The following STAT4 variants were observed in gnomAD, a reference collection of about 807,000 sequenced individuals.
STAT4 encodes signal transducer and activator of transcription 4.
In STAT4, 42 loss-of-function variants were observed where a neutral mutation model predicts 110.5. The ratio of observed to expected loss-of-function variants is 0.38; its 90% CI spans 0.30 to 0.49. The LOEUF is 0.49. Ranked by LOEUF, STAT4 falls within the 20% of genes least tolerant of loss-of-function variation. STAT4 has a pLI of 0.95. For missense variants in STAT4, 632 were observed against 887.9 expected (o/e 0.71, Z 3.66); for synonymous variants, 284 against 302.2 (o/e 0.94, Z 0.63).
In STAT4 at chr2:191,035,421, CAT is replaced by C. The variant is rs963257017; in HGVS notation, c.1570+741_1570+742del. Among the ~76,000 whole-genome samples the C allele has an allele frequency of 6.6e-6, 1 of 152,218 alleles. No individual in the cohort carries two copies. Among genetic ancestry groups the C allele is most frequent in the African/African-American group, 2.4e-5 (1 of 41,456 alleles). On this transcript the variant is annotated intron_variant, in intron 17 of 23. Transcript: ENST00000392320. This position sits in a 1 kb window ranked among gnomAD's most constrained non-coding sequence, Gnocchi z 4.7. ...CCATGTGAGTCAAGCTTAAATCACA[CAT>C]GATTCTACTTCTGCACAAATGGATC...
Position 191,144,101 on chromosome 2 carries a change from A to T in STAT4, c.273+2512T>A, listed in dbSNP as rs1247816824. On this transcript the variant is annotated intron_variant, in intron 3 of 23. Transcript: ENST00000392320. The surrounding 1 kb of genome is among the most constrained non-coding windows in gnomAD (Gnocchi z 4.7). ...TCACCAAATTGTTTTTTGAATTCCTAGTGTGCACTAGAACCATATTGAGTA... is the reference window on the plus strand; with the variant it reads ...TCACCAAATTGTTTTTTGAATTCCTTGTGTGCACTAGAACCATATTGAGTA... Among the ~76,000 whole-genome samples, 1 of 152,172 alleles carries T rather than the reference A, an allele frequency of 6.6e-6. No homozygotes were observed. The highest frequency in any genetic ancestry group is 1.5e-5 in the Non-Finnish European group (1 of 68,026).
rs185643656 is a variant in STAT4, at chr2:191,033,834, A to G, written c.1715+77T>C. The G allele has an allele frequency of 7.0e-7, 1 of 1,421,032 alleles. No individual in the cohort carries two copies. The highest frequency in any genetic ancestry group is 2.3e-5 in the East Asian group (1 of 43,710). 88.0% of individuals were successfully genotyped at this position (1,421,032 alleles called of 1,614,324 possible). A position where few individuals can be genotyped will look rare whatever the true frequency, so the allele number is the denominator to read the frequency against. ...GTGGTACTAAACATGCTTAAGAGAA[A>G]AAGAAAGAAGAAAACCAATAACAAC... On this transcript the variant is annotated intron_variant, in intron 19 of 23. Transcript: ENST00000392320. This position sits in a 1 kb window ranked among gnomAD's most constrained non-coding sequence, Gnocchi z 6.9.
Position 191,143,606 on chromosome 2 carries a change from A to G in STAT4, c.273+3007T>C, listed in dbSNP as rs1699388946. Among the ~76,000 whole-genome samples the G allele has an allele frequency of 6.6e-6, 1 of 152,178 alleles. No individual in the cohort carries two copies. Among genetic ancestry groups the G allele is most frequent in the Non-Finnish European group, 1.5e-5 (1 of 68,020 alleles). Reference sequence around the variant, plus strand: ...TGTAATATAAATAATAAAATACTGAAACTAGAGATCTCAGCTGTTCTATAA... The same window carrying G: ...TGTAATATAAATAATAAAATACTGAGACTAGAGATCTCAGCTGTTCTATAA... On this transcript the variant is annotated intron_variant, in intron 3 of 23. Transcript: ENST00000392320. This position sits in a 1 kb window ranked among gnomAD's most constrained non-coding sequence, Gnocchi z 5.6.
At chr2:191,131,975 G>A in intron 3 of STAT4, 1 of 1,260,872 alleles carries the variant, frequency 7.9e-7, no homozygotes, top group Non-Finnish European at 1.0e-6. Flanking sequence ...AACTATTCCT[G>A]AAGAGAAGAC....
chr2:191,069,142 C>T (rs1268936686), intron 6 of STAT4, among the ~76,000 whole-genome samples: 1 of 151,738 alleles, frequency 6.6e-6, no homozygotes, highest in African/African-American at 2.4e-5. Flanking sequence ...TGTGAACATA[C>T]AGAGAAAAGG....
chr2:191,062,585 G>C lies in STAT4; in HGVS notation c.941+177C>G, dbSNP rs1574720494. ...GCCAGTTGGTGAGAGAAGTGTTGAT[G>C]AATAAATAGTGAAGAGTAGAAATGT... On this transcript the variant is annotated intron_variant, in intron 9 of 23. Transcript: ENST00000392320. This position sits in a 1 kb window ranked among gnomAD's most constrained non-coding sequence, Gnocchi z 4.9. 6.6e-6 allele frequency among the ~76,000 whole-genome samples: 1 copy of C among 152,176 alleles called. No homozygotes were observed. Among genetic ancestry groups the C allele is most frequent in the African/African-American group, 2.4e-5 (1 of 41,442 alleles).
intron 3 of STAT4, among the ~76,000 whole-genome samples, chr2:191,088,325 C>T (rs1559061343): frequency 6.6e-6 from 1 of 151,816 alleles, no homozygotes; most frequent in Non-Finnish European, 1.5e-5. Flanking sequence ...CATATTAGCA[C>T]AAAAAATGAA....
At chr2:191,133,052 C>T (rs986831933) in intron 3 of STAT4, among the ~76,000 whole-genome samples, 1 of 150,788 alleles carries the variant, frequency 6.6e-6, no homozygotes, top group South Asian at 2.1e-4. Context: ...CTGCGCCTGG[C>T]GGTTTTCATA....
chr2:191,042,876 T>C lies in STAT4; in HGVS notation c.1252-1728A>G, dbSNP rs1696246843. On this transcript the variant is annotated intron_variant, in intron 14 of 23. Transcript: ENST00000392320. The surrounding 1 kb of genome is among the most constrained non-coding windows in gnomAD (Gnocchi z 4.2). Reference sequence around the variant, plus strand: ...CTCACTGCAACCTCCGCCTCCTGGGTCCAAGTGATTCTCCTGCCTCAGCCT... The same window carrying C: ...CTCACTGCAACCTCCGCCTCCTGGGCCCAAGTGATTCTCCTGCCTCAGCCT... 6.6e-6 allele frequency among the ~76,000 whole-genome samples: 1 copy of C among 151,978 alleles called. No individual in the cohort carries two copies. Among genetic ancestry groups the C allele is most frequent in the Non-Finnish European group, 1.5e-5 (1 of 68,026 alleles).
intron 3 of STAT4, among the ~76,000 whole-genome samples, chr2:191,102,526 G>A (rs1196559788): frequency 2.0e-5 from 3 of 152,012 alleles, no homozygotes; most frequent in South Asian, 2.1e-4. Context: ...AGCTCCTCCC[G>A]CTGTGGGCTA....
In STAT4 at chr2:191,030,068, A is replaced by T. The variant is rs1164988761; in HGVS notation, c.2221-202T>A. 1.3e-5 allele frequency among the ~76,000 whole-genome samples: 2 copies of T among 152,234 alleles called. No individual in the cohort carries two copies. The highest frequency in any genetic ancestry group is 4.8e-5 in the African/African-American group (2 of 41,454). On this transcript the variant is annotated intron_variant, in intron 23 of 23. Transcript: ENST00000392320. This position sits in a 1 kb window ranked among gnomAD's most constrained non-coding sequence, Gnocchi z 4.4. ...TAAAAGGTACCTTTCAAGGAGACAG[A>T]AAAGTGTTTTAAGAAAAAGGCCTGT...
At chr2:191,126,905 T>C (rs1431943359) in intron 3 of STAT4, among the ~76,000 whole-genome samples, 2 of 152,264 alleles carry the variant, frequency 1.3e-5, no homozygotes, top group Admixed American at 1.3e-4. Flanking sequence ...CTGCAGCCTC[T>C]GCCTTCTGGG....
chr2:191,115,588 T>C (rs1698549199), intron 3 of STAT4, among the ~76,000 whole-genome samples: 1 of 152,234 alleles, frequency 6.6e-6, no homozygotes, highest in African/African-American at 2.4e-5. Flanking sequence ...TATCAGATTC[T>C]GCAAAAGCTG....
intron 14 of STAT4, among the ~76,000 whole-genome samples, chr2:191,048,255 A>G (rs1696407604): frequency 6.6e-6 from 1 of 152,236 alleles, no homozygotes; most frequent in African/African-American, 2.4e-5. Flanking sequence ...TAAATCTCTG[A>G]TGCAATTGTG....
At chr2:191,075,743 C>T (rs1181025718) in intron 4 of STAT4, among the ~76,000 whole-genome samples, 5 of 151,908 alleles carry the variant, frequency 3.3e-5, no homozygotes, top group Admixed American at 3.3e-4. Context: ...GATACTAAGA[C>T]CTTGATTGCA....
At chr2:191,034,939 T>G (rs577360599) in intron 17 of STAT4, among the ~76,000 whole-genome samples, 2 of 152,260 alleles carry the variant, frequency 1.3e-5, no homozygotes, top group Admixed American at 1.3e-4. Flanking sequence ...ATGATGGACA[T>G]GGAGAAGGCT....
rs1182171876 is a variant in STAT4 at position 191,066,499 on chromosome 2, A to G, written c.561T>C (p.Asn187=). 1.2e-6 allele frequency: 2 copies of G among 1,613,408 alleles called. No homozygotes were observed. Among genetic ancestry groups the G allele is most frequent in the Non-Finnish European group, 1.7e-6 (2 of 1,179,596 alleles). ...TIQTMDQSDK[N]SAMVNQEVLT... is the part of the protein sequence containing the mutation. ...AAACTTCCTGATTCACCATGGCACTATTCTTGTCACTCTGATCTGCAAAGG... is the reference window on the plus strand; with the variant it reads ...AAACTTCCTGATTCACCATGGCACTGTTCTTGTCACTCTGATCTGCAAAGG... Residue 187 remains asparagine (N), a synonymous_variant, in exon 7 of 24, where the codon AAT becomes AAC. Coordinates refer to ENST00000392320, the MANE Select transcript of STAT4 (RefSeq NM_003151.4). This position sits in a 1 kb window ranked among gnomAD's most constrained non-coding sequence, Gnocchi z 4.3.
intron 3 of STAT4, among the ~76,000 whole-genome samples, chr2:191,115,157 T>C (rs1441345206): frequency 1.3e-5 from 2 of 152,268 alleles, no homozygotes; most frequent in East Asian, 3.9e-4. Context: ...GTATTGGGAA[T>C]CCAAAGTTGA....
intron 8 of STAT4, among the ~76,000 whole-genome samples, chr2:191,064,061 C>A (rs961522129): frequency 2.0e-5 from 3 of 152,136 alleles, no homozygotes; most frequent in Non-Finnish European, 2.9e-5. Context: ...TCTTCTAATG[C>A]AAAGGATAGT....
Sources: allele counts gnomAD v4.1 joint callset (sites outside exome capture counted in the v4.1 genomes callset), GRCh38; gene constraint gnomAD v4.1.1; non-coding constraint Gnocchi (gnomAD v3.1); transcripts MANE v1.5; gene names NCBI Gene and HGNC (gene_info 2026-07-23, HGNC 2026-07-21).